Variants in PTPRK observed in about 807,000 individuals in gnomAD.
The protein encoded by PTPRK is protein tyrosine phosphatase receptor type K, also known as receptor-type tyrosine-protein phosphatase kappa.
In PTPRK, 75 loss-of-function variants were observed where a neutral mutation model predicts 178.0. That is an observed-to-expected ratio of 0.42 (90% CI 0.35 to 0.51). The LOEUF (loss-of-function observed/expected upper bound fraction) is 0.51, where lower values mean the gene tolerates loss of function less well. Ranked by LOEUF, PTPRK falls within the 20% of genes least tolerant of loss-of-function variation. The pLI is 0.02. For synonymous variants in PTPRK, 637 were observed against 620.6 expected (o/e 1.03, Z -0.39); for missense variants, 1,441 against 1,797.8 (o/e 0.80, Z 3.59).
intron 29 of PTPRK, among the ~76,000 whole-genome samples, chr6:127,972,733 T>C (rs1220731010): frequency 1.3e-5 from 2 of 152,200 alleles, no homozygotes; most frequent in African/African-American, 2.4e-5. Context: ...TAGGACCATT[T>C]ACCAAAGTTT....
chr6:128,290,359 C>T (rs182422550), intron 3 of PTPRK, among the ~76,000 whole-genome samples: 85 of 152,134 alleles, frequency 5.6e-4, no homozygotes, highest in Admixed American at 3.3e-4. Flanking sequence ...TGAAGAAAGC[C>T]AAATTAACCC....
At chr6:128,153,150 G>T (rs923107907) in intron 7 of PTPRK, among the ~76,000 whole-genome samples, 1 of 151,920 alleles carries the variant, frequency 6.6e-6, no homozygotes, top group Non-Finnish European at 1.5e-5. Flanking sequence ...GAAATTAGTT[G>T]ATTAACAAGA....
At chr6:128,436,542 T>A (rs1276746946) in intron 1 of PTPRK, among the ~76,000 whole-genome samples, 1 of 152,212 alleles carries the variant, frequency 6.6e-6, no homozygotes, top group Non-Finnish European at 1.5e-5. Flanking sequence ...TTATGGGACT[T>A]AAATAAAAAG....
intron 12 of PTPRK, 123 bp downstream of exon 12, chr6:128,067,396 C>A (rs1781985869): frequency 1.8e-6 from 2 of 1,120,066 alleles, no homozygotes; most frequent in Non-Finnish European, 2.4e-6. Context: ...GAGAACAGAA[C>A]CCCCTACATG....
chr6:128,322,078 A>C lies in PTPRK; in HGVS notation c.456T>G (p.Ala152=). The C allele has an allele frequency of 1.2e-6, 2 of 1,613,924 alleles. No homozygotes were observed. The change falls in exon 3 of 30, where the codon GCT becomes GCG. Residue 152 remains alanine, a synonymous_variant. Coordinates refer to ENST00000368226, the MANE Select transcript of PTPRK (RefSeq NM_002844.4). ...GCCAAAAGGTGCTCACTGCTAGCTC[A>C]GCCCGAAGCCAATCTCTACCCGTGA... ...TGFTGRDWLR[A]ELAVSTFWPN...
In PTPRK at chr6:128,305,130, T is replaced by C. The variant is rs192963300; in HGVS notation, c.495+16909A>G. Among the ~76,000 whole-genome samples the C allele has an allele frequency of 2.3e-3, 349 of 152,338 alleles. 2 individuals are homozygous for C. Among genetic ancestry groups the C allele is most frequent in the Middle Eastern group, 6.8e-3 (2 of 294 alleles). On this transcript the variant is annotated intron_variant, in intron 3 of 29. Transcript: ENST00000368226. Reference sequence around the variant, plus strand: ...AGAAGACAAGAAAGAGTCGATACTCTTTTTACTAGATTTTTGAAGAATTCC... The same window carrying C: ...AGAAGACAAGAAAGAGTCGATACTCCTTTTACTAGATTTTTGAAGAATTCC...
intron 13 of PTPRK, among the ~76,000 whole-genome samples, chr6:128,046,429 C>T (rs1778040964): frequency 6.6e-6 from 1 of 152,044 alleles, no homozygotes; most frequent in East Asian, 1.9e-4. Context: ...AGCAGCTTTC[C>T]CCAGGCTAAT....
At chr6:128,101,305 C>T (rs550173572) in intron 7 of PTPRK, among the ~76,000 whole-genome samples, 2 of 152,090 alleles carry the variant, frequency 1.3e-5, no homozygotes, top group Admixed American at 6.5e-5. Context: ...CATCTGGATG[C>T]TAATATAATG....
At chr6:127,973,570 G>T in intron 28 of PTPRK, 94 bp downstream of exon 28, 1 of 1,403,986 alleles carries the variant, frequency 7.1e-7, no homozygotes, top group Non-Finnish European at 9.8e-7. Context: ...TCTATGGGAG[G>T]TCCATAAGAT....
intron 2 of PTPRK, among the ~76,000 whole-genome samples, chr6:128,342,542 TTAAAC>T (rs928921537): frequency 1.3e-5 from 2 of 151,922 alleles, no homozygotes; most frequent in Non-Finnish European, 2.9e-5. Context: ...ATTGAAGTAT[TTAAAC>T]TAAACACAGT....
rs1206581865 is a variant in PTPRK at position 128,512,153 on chromosome 6, TCTC to T, written c.100+8103_100+8105del. Among the ~76,000 whole-genome samples, 6 of 152,272 alleles carry T rather than the reference TCTC, an allele frequency of 3.9e-5. No homozygotes were observed. In the East Asian group the frequency reaches 1.2e-3, roughly 29 times the overall value. ...CTCTCAGAGTCTCTCCACCACTACT[TCTC>T]CTCTAACAGTGATCAGTCTCCTATT... On this transcript the variant is annotated intron_variant, in intron 1 of 29. Transcript: ENST00000368226.
At chr6:128,381,475 T>G (rs1368239259) in intron 2 of PTPRK, among the ~76,000 whole-genome samples, 1 of 152,086 alleles carries the variant, frequency 6.6e-6, no homozygotes, top group East Asian at 1.9e-4. Flanking sequence ...AAAGTGCAAT[T>G]TATTCCTTGC....
At chr6:128,381,167 C>G (rs1026867677) in intron 2 of PTPRK, among the ~76,000 whole-genome samples, 41 of 152,150 alleles carry the variant, frequency 2.7e-4, no homozygotes, top group Non-Finnish European at 4.9e-4. Context: ...AAGTAAAATT[C>G]AAAGTAAAAG....
intron 7 of PTPRK, 68 bp from the exon 8 acceptor site, chr6:128,090,060 A>T (rs1786657123): frequency 4.7e-6 from 6 of 1,264,150 alleles, no homozygotes; most frequent in Non-Finnish European, 6.8e-6. Context: ...AAAATAAAAC[A>T]CCAAGTATAA....
chr6:128,214,544 C>CATTATTATTATTGTTATT (rs1808868285), intron 6 of PTPRK, among the ~76,000 whole-genome samples: 1 of 149,952 alleles, frequency 6.7e-6, no homozygotes, highest in African/African-American at 2.5e-5. Flanking sequence ...ACCAGTGATG[C>CATTATTATTATTGTTATT]ATTATTATTA....
chr6:128,285,916 T>C (rs1203674843), intron 3 of PTPRK, among the ~76,000 whole-genome samples: 1 of 152,082 alleles, frequency 6.6e-6, no homozygotes, highest in Non-Finnish European at 1.5e-5. Flanking sequence ...CACCAGAAAG[T>C]TCTACTTAAT....
intron 7 of PTPRK, among the ~76,000 whole-genome samples, chr6:128,093,779 A>G (rs2115035547): frequency 6.6e-6 from 1 of 152,086 alleles, no homozygotes; most frequent in East Asian, 1.9e-4. Context: ...TACTATATAC[A>G]GTGTACTATC....
chr6:128,200,180 C>A (rs527464625), intron 6 of PTPRK, among the ~76,000 whole-genome samples: 40 of 152,218 alleles, frequency 2.6e-4, no homozygotes, highest in Admixed American at 5.9e-4. Flanking sequence ...TGGAATCATG[C>A]AAAGTTAGGT....
At chr6:128,257,302 G>A (rs1174717260) in intron 3 of PTPRK, among the ~76,000 whole-genome samples, 2 of 151,410 alleles carry the variant, frequency 1.3e-5, no homozygotes, top group Non-Finnish European at 2.9e-5. Context: ...ACCACAAAAA[G>A]GAGTCTGCCT....
Sources: gnomAD v4.1 joint callset for allele counts (sites outside exome capture counted in the v4.1 genomes callset) on GRCh38, gnomAD v4.1.1 for gene constraint, MANE v1.5 for transcripts, NCBI Gene and HGNC (gene_info 2026-07-23, HGNC 2026-07-21) for gene names.